ASH1L: variants seen among roughly 807,000 people sequenced by gnomAD.
The protein encoded by ASH1L is histone-lysine N-methyltransferase ASH1L.
In ASH1L, 23 loss-of-function variants were observed where a neutral mutation model predicts 269.0. The observed-to-expected ratio is 0.09, with a 90% CI of 0.06 to 0.12. The LOEUF is 0.12. Ranked by LOEUF, ASH1L falls within the 10% of genes least tolerant of loss-of-function variation. The pLI, the probability that ASH1L is intolerant of heterozygous loss-of-function variation, is 1.00. For synonymous variants in ASH1L, 1,187 were observed against 1,253.5 expected (o/e 0.95, Z 1.12); for missense variants, 2,912 against 3,567.8 (o/e 0.82, Z 4.68).
At chr1:155,436,837 A>G (rs1229705630) in intron 5 of ASH1L, among the ~76,000 whole-genome samples, 1 of 152,090 alleles carries the variant, frequency 6.6e-6, no homozygotes, top group Non-Finnish European at 1.5e-5. Flanking sequence ...TCTTTGATCC[A>G]TTTTGAGTTA....
At chr1:155,533,503 G>C (rs2148872858) in intron 1 of ASH1L, among the ~76,000 whole-genome samples, 1 of 151,710 alleles carries the variant, frequency 6.6e-6, no homozygotes, top group African/African-American at 2.4e-5. Flanking sequence ...CATGAGGTCA[G>C]GAGTTTGAGA....
chr1:155,512,148 G>A (rs1668201443), intron 2 of ASH1L, among the ~76,000 whole-genome samples: 1 of 152,074 alleles, frequency 6.6e-6, no homozygotes, highest in East Asian at 1.9e-4. Flanking sequence ...CCTATGGTCA[G>A]TAAAGGAGAA....
At chr1:155,505,438 ACAAAT>A (rs1270966156) in intron 2 of ASH1L, among the ~76,000 whole-genome samples, 3 of 152,204 alleles carry the variant, frequency 2.0e-5, no homozygotes, top group Admixed American at 6.5e-5. Context: ...ACGTGGAAAA[ACAAAT>A]CAAAGAATGT....
At chr1:155,503,924 A>G (rs1210376810) in intron 2 of ASH1L, among the ~76,000 whole-genome samples, 1 of 152,124 alleles carries the variant, frequency 6.6e-6, no homozygotes, top group East Asian at 1.9e-4. Flanking sequence ...GGGTTTCACC[A>G]TGTTGCCAGA....
rs193042806 is a variant in ASH1L, at chr1:155,439,194, T to C, written c.5087-126A>G. The C allele has an allele frequency of 1.1e-5, 11 of 1,027,902 alleles. No individual in the cohort carries two copies. The Admixed American group carries it at 2.7e-4, about 25-fold the overall frequency. The allele number at this position is 1,027,902 out of a possible 1,614,324, so 63.7% of individuals were successfully genotyped here. On this transcript the variant is annotated intron_variant, in intron 4 of 27. Coordinates refer to ENST00000392403, the MANE Select transcript of ASH1L (RefSeq NM_018489.3). Reference sequence around the variant, plus strand: ...AGCAAGATTACACATCATAGGTAAATTGATGGTTTACTTTCCTGAAAAAGG... The same window carrying C: ...AGCAAGATTACACATCATAGGTAAACTGATGGTTTACTTTCCTGAAAAAGG...
chr1:155,425,951 C>T (rs1212275668), intron 5 of ASH1L, among the ~76,000 whole-genome samples: 46 of 151,486 alleles, frequency 3.0e-4, no homozygotes, highest in Admixed American at 3.9e-4. Context: ...TGCAGTGGCG[C>T]GATCTCGGCT....
At chr1:155,368,933 A>G (rs1483944771) in intron 12 of ASH1L, among the ~76,000 whole-genome samples, 1 of 152,248 alleles carries the variant, frequency 6.6e-6, no homozygotes, top group Non-Finnish European at 1.5e-5. Context: ...TTAACAAAAA[A>G]GACGCCAGAC....
At chr1:155,555,478 CAG>C (rs1444545931) in intron 1 of ASH1L, among the ~76,000 whole-genome samples, 1 of 119,236 alleles carries the variant, frequency 8.4e-6, no homozygotes, top group African/African-American at 3.3e-5. Context: ...GCCTGGGCAA[CAG>C]AGTGAGACTC....
At chr1:155,393,563 T>A (rs1161415828) in intron 7 of ASH1L, among the ~76,000 whole-genome samples, 6 of 151,690 alleles carry the variant, frequency 4.0e-5, no homozygotes. Flanking sequence ...CTTTTCTTTT[T>A]TTTTTTTTTG....
intron 4 of ASH1L, among the ~76,000 whole-genome samples, chr1:155,456,853 T>C (rs893968293): frequency 2.0e-5 from 3 of 152,318 alleles, no homozygotes; most frequent in East Asian, 1.9e-4. Context: ...TAGACTATAA[T>C]ATTACTTACA....
At chr1:155,350,705 G>A (rs1331981060) in intron 17 of ASH1L, among the ~76,000 whole-genome samples, 2 of 151,944 alleles carry the variant, frequency 1.3e-5, no homozygotes, top group Non-Finnish European at 2.9e-5. Flanking sequence ...GGCAGATCAT[G>A]AGGTCAGGAG....
chr1:155,494,327 C>T (rs1460270066), intron 2 of ASH1L, among the ~76,000 whole-genome samples: 1 of 152,106 alleles, frequency 6.6e-6, no homozygotes, highest in Admixed American at 6.5e-5. Flanking sequence ...AGTAATGTTG[C>T]AGGTGGTAGG....
At chr1:155,496,321 C>CTG in intron 2 of ASH1L, among the ~76,000 whole-genome samples, 1 of 152,110 alleles carries the variant, frequency 6.6e-6, no homozygotes, top group Non-Finnish European at 1.5e-5. Flanking sequence ...CTTATGGGAC[C>CTG]ACCAAAATGT....
intron 5 of ASH1L, among the ~76,000 whole-genome samples, chr1:155,430,595 T>C (rs1434409820): frequency 6.6e-6 from 1 of 152,218 alleles, no homozygotes; most frequent in African/African-American, 2.4e-5. Flanking sequence ...TTTAAATCCC[T>C]ATTTATTCCC....
chr1:155,356,642 CAAAAA>C (rs1277769920), intron 15 of ASH1L, among the ~76,000 whole-genome samples: 1 of 67,566 alleles, frequency 1.5e-5, no homozygotes. Flanking sequence ...GACTCCGTCT[CAAAAA>C]AAAAAAAAAA....
chr1:155,479,346 C>T lies in ASH1L; in HGVS notation c.3524G>A (p.Ser1175Asn). 1 of 1,614,118 alleles carries T rather than the reference C, an allele frequency of 6.2e-7. No individual in the cohort carries two copies. Residue 1175 changes from serine to asparagine, a missense_variant, in exon 3 of 28, where the codon AGT (serine) becomes AAT (asparagine). This residue lies in a region of ASH1L where 157 missense variants were observed against 154.6 expected (regional missense o/e 1.02). Coordinates refer to ENST00000392403, the MANE Select transcript of ASH1L (RefSeq NM_018489.3). ...AGCTTCTTTTAGAGATGTGAGTTCA[C>T]TCAAGTGCGAAGGAGAATTTGGCAA... Reference protein sequence around the residue: ...TLLPNSPSHLSELTSLKEATP... With the variant: ...TLLPNSPSHLNELTSLKEATP...
chr1:155,365,372 A>ATTT (rs142145021), intron 12 of ASH1L, among the ~76,000 whole-genome samples: 19 of 124,220 alleles, frequency 1.5e-4, no homozygotes, highest in African/African-American at 2.6e-4. Flanking sequence ...TGCCCGGCTG[A>ATTT]TTTTTTTTTT....
At chr1:155,555,531 A>C (rs1426776100) in intron 1 of ASH1L, among the ~76,000 whole-genome samples, 1 of 152,020 alleles carries the variant, frequency 6.6e-6, no homozygotes, top group African/African-American at 2.4e-5. Context: ...GAAAACAAAA[A>C]AATGAAAATC....
intron 5 of ASH1L, among the ~76,000 whole-genome samples, chr1:155,416,576 C>A (rs1002606553): frequency 2.0e-5 from 3 of 152,004 alleles, no homozygotes; most frequent in African/African-American, 7.2e-5. Context: ...CGCTCTGTTG[C>A]CCAGGCTGGA....
Sources: allele counts gnomAD v4.1 joint callset (sites outside exome capture counted in the v4.1 genomes callset), GRCh38; gene constraint gnomAD v4.1.1; regional missense constraint gnomAD v4.1.1; transcripts MANE v1.5; gene names NCBI Gene and HGNC (gene_info 2026-07-23, HGNC 2026-07-21).